MTUS1: variants seen among roughly 807,000 people sequenced by gnomAD.
MTUS1 encodes microtubule-associated tumor suppressor 1.
Under a neutral mutation model 120.8 loss-of-function variants are expected in MTUS1, and 109 were observed. The ratio of observed to expected loss-of-function variants is 0.90; its 90% CI spans 0.77 to 1.06. The LOEUF is 1.06. Ranked by LOEUF, MTUS1 falls within the 50% of genes least tolerant of loss-of-function variation. MTUS1 has a pLI of 0.00. For synonymous variants in MTUS1, 737 were observed against 550.5 expected (o/e 1.34, Z -4.74); for missense variants, 2,210 against 1,486.3 (o/e 1.49, Z -8.01).
At chr8:17,675,513 C>T (rs1812918188) in intron 7 of MTUS1, among the ~76,000 whole-genome samples, 1 of 152,212 alleles carries the variant, frequency 6.6e-6, no homozygotes, top group South Asian at 2.1e-4. Context: ...GAAATATTTA[C>T]TTTGAGCCAG....
chr8:17,645,741 G>A lies in MTUS1; in HGVS notation c.*185C>T, dbSNP rs139154638. 1.3e-5 allele frequency: 9 copies of A among 685,090 alleles called. No homozygotes were observed. The Admixed American group carries it at 2.2e-4, about 17-fold the overall frequency. 42.4% of individuals were successfully genotyped at this position (685,090 alleles called of 1,614,324 possible). On this transcript the variant is annotated 3_prime_UTR_variant, in exon 15 of 15. Coordinates refer to ENST00000693296, the MANE Select transcript of MTUS1 (RefSeq NM_001363059.2). Reference sequence around the variant, plus strand: ...TTTTTGGAGGAATCTTTTGGACGGAGGCAAAAGTCTTCCTCCAGAGTTCCA... The same window carrying A: ...TTTTTGGAGGAATCTTTTGGACGGAAGCAAAAGTCTTCCTCCAGAGTTCCA...
In MTUS1 at chr8:17,653,293, T is replaced by A; in HGVS notation, c.3289-12A>T. The A allele has an allele frequency of 6.5e-7, 1 of 1,534,268 alleles. No individual in the cohort carries two copies. The highest frequency in any genetic ancestry group is 1.4e-5 in the African/African-American group (1 of 71,712). The stretch of plus-strand genomic sequence containing the variant: ...TCATTGATTTGCTTCTAAAACACAA[T>A]GAAATGTGGAACTTAAGTTAACAAG... On this transcript the variant is annotated splice_polypyrimidine_tract_variant and intron_variant, in intron 11 of 14. Coordinates refer to ENST00000693296, the MANE Select transcript of MTUS1 (RefSeq NM_001363059.2).
intron 14 of MTUS1, among the ~76,000 whole-genome samples, 174 bp from the exon 15 acceptor site, chr8:17,646,313 C>A (rs998069484): frequency 6.6e-6 from 1 of 152,096 alleles, no homozygotes; most frequent in African/African-American, 2.4e-5. Context: ...ACAGGCCGGG[C>A]GTGGTGGCTC....
At position 17,684,186 on chromosome 8, in the gene MTUS1, T is replaced by A. The variant is rs1034236812; in HGVS notation, c.2838+142A>T. ...AGACCGACTCAAGTATCTGGTGAAGTGACAAAAATGTAATGGGATGAATGA... is the reference window on the plus strand; with the variant it reads ...AGACCGACTCAAGTATCTGGTGAAGAGACAAAAATGTAATGGGATGAATGA... On this transcript the variant is annotated intron_variant, in intron 7 of 14. Transcript: ENST00000693296. The A allele has an allele frequency of 3.9e-5, 25 of 645,622 alleles. No homozygotes were observed. In the African/African-American group the frequency reaches 4.2e-4, roughly 11 times the overall value. The allele number at this position is 645,622 out of a possible 1,614,324, so 40.0% of individuals were successfully genotyped here.
intron 8 of MTUS1, among the ~76,000 whole-genome samples, chr8:17,659,450 A>G (rs2130363432): frequency 6.6e-6 from 1 of 152,328 alleles, no homozygotes; most frequent in Middle Eastern, 3.4e-3. Flanking sequence ...TAATCCCAGC[A>G]CTTTGGAAGG....
At position 17,703,372 on chromosome 8, in the gene MTUS1, G is replaced by A. The variant is rs189321260; in HGVS notation, c.2623+9842C>T. 1.6e-3 allele frequency among the ~76,000 whole-genome samples: 248 copies of A among 152,230 alleles called. 2 individuals are homozygous for A. The highest frequency in any genetic ancestry group is 5.6e-3 in the African/African-American group (234 of 41,534). ...AGCTTGGCCGGGTGCGGTGGCTCACGCCTGTGATCGCAGCACTTTGGGAGG... is the reference window on the plus strand; with the variant it reads ...AGCTTGGCCGGGTGCGGTGGCTCACACCTGTGATCGCAGCACTTTGGGAGG... On this transcript the variant is annotated intron_variant, in intron 6 of 14. Transcript: ENST00000693296.
intron 6 of MTUS1, among the ~76,000 whole-genome samples, chr8:17,690,142 T>G (rs889093694): frequency 1.2e-4 from 19 of 152,082 alleles, no homozygotes; most frequent in African/African-American, 4.3e-4. Context: ...AGATCTAATA[T>G]TCAGAATTTA....
At chr8:17,758,418 T>C (rs555755600) in intron 1 of MTUS1, among the ~76,000 whole-genome samples, 3 of 152,350 alleles carry the variant, frequency 2.0e-5, no homozygotes, top group South Asian at 4.1e-4. Context: ...TATATACTGA[T>C]GGAAAGTGTA....
At chr8:17,798,898 C>T (rs2052466266) in intron 1 of MTUS1, among the ~76,000 whole-genome samples, 1 of 152,110 alleles carries the variant, frequency 6.6e-6, no homozygotes, top group Non-Finnish European at 1.5e-5. Flanking sequence ...AAATCTGGCA[C>T]TACATCAAAT....
intron 1 of MTUS1, among the ~76,000 whole-genome samples, chr8:17,765,678 CCACACACACACA>C (rs60406848): frequency 2.5e-4 from 32 of 130,160 alleles, no homozygotes; most frequent in South Asian, 2.1e-3. Flanking sequence ...AATACAGACA[CCACACACACACA>C]CACACACACA....
chr8:17,733,577 T>C (rs2046739411), intron 3 of MTUS1, among the ~76,000 whole-genome samples: 1 of 152,126 alleles, frequency 6.6e-6, no homozygotes, highest in African/African-American at 2.4e-5. Context: ...CTTGATAAAC[T>C]ATCCAATTTG....
intron 7 of MTUS1, among the ~76,000 whole-genome samples, chr8:17,681,202 G>C (rs1174038003): frequency 6.6e-6 from 1 of 152,298 alleles, no homozygotes. Context: ...CCCAAGTGCT[G>C]GGATTACAGG....
At chr8:17,653,818 G>T in intron 10 of MTUS1, 1 of 237,552 alleles carries the variant, frequency 4.2e-6, no homozygotes, top group Non-Finnish European at 7.9e-6. Context: ...CCAGACTCCT[G>T]GTCTGGAAAC....
At chr8:17,728,250 T>C (rs143910160) in intron 3 of MTUS1, among the ~76,000 whole-genome samples, 74 of 152,288 alleles carry the variant, frequency 4.9e-4, no homozygotes, top group Admixed American at 1.3e-4. Context: ...AAGCTGGGAT[T>C]ACACCCACAC....
chr8:17,661,834 C>T (rs1383764177), intron 8 of MTUS1, among the ~76,000 whole-genome samples: 1 of 152,300 alleles, frequency 6.6e-6, no homozygotes, highest in Middle Eastern at 3.4e-3. Context: ...TGTGCACAGA[C>T]CTTTGCTCTG....
Position 17,715,921 on chromosome 8 carries a change from T to C in MTUS1, c.2450-20A>G. 1 of 1,603,444 alleles carries C rather than the reference T, an allele frequency of 6.2e-7. No homozygotes were observed. The highest frequency in any genetic ancestry group is 8.5e-7 in the Non-Finnish European group (1 of 1,176,524). Reference sequence around the variant, plus strand: ...TACCAGCTGTAATAAAACAGAAAAGTACATTTTATTGTATAGATAAACACA... The same window carrying C: ...TACCAGCTGTAATAAAACAGAAAAGCACATTTTATTGTATAGATAAACACA... On this transcript the variant is annotated intron_variant, in intron 4 of 14. Coordinates refer to ENST00000693296, the MANE Select transcript of MTUS1 (RefSeq NM_001363059.2).
At chr8:17,737,509 G>C (rs1042904213) in intron 3 of MTUS1, among the ~76,000 whole-genome samples, 3 of 152,138 alleles carry the variant, frequency 2.0e-5, no homozygotes, top group African/African-American at 7.2e-5. Flanking sequence ...ACATTTCAGA[G>C]ACAGGGTCTT....
intron 8 of MTUS1, among the ~76,000 whole-genome samples, chr8:17,663,718 C>G (rs989648904): frequency 1.3e-5 from 2 of 152,146 alleles, no homozygotes; most frequent in African/African-American, 2.4e-5. Flanking sequence ...GCCTCAGCCC[C>G]CTGAGTAGCT....
At chr8:17,666,282 A>G (rs1242341644) in intron 8 of MTUS1, among the ~76,000 whole-genome samples, 2 of 80,314 alleles carry the variant, frequency 2.5e-5, no homozygotes, top group African/African-American at 1.0e-4. Context: ...GTTTCAATGT[A>G]AAAAAAAAAA....
Sources: allele counts gnomAD v4.1 joint callset (sites outside exome capture counted in the v4.1 genomes callset), GRCh38; gene constraint gnomAD v4.1.1; transcripts MANE v1.5; gene names NCBI Gene and HGNC (gene_info 2026-07-23, HGNC 2026-07-21).